CLMP: variants seen among roughly 807,000 people sequenced by gnomAD.
CLMP encodes CXADR-like membrane protein.
A neutral mutation model predicts 45.2 loss-of-function variants in CLMP; 27 were observed. The observed-to-expected ratio is 0.60, with a 90% CI of 0.44 to 0.82. The LOEUF (loss-of-function observed/expected upper bound fraction) is 0.82, where lower values mean the gene tolerates loss of function less well. CLMP is among the 40% of genes least tolerant of loss of function. The probability of loss-of-function intolerance (pLI) is 0.00; values close to 1 mark genes in which losing one functional copy is unlikely to be tolerated. For synonymous variants in CLMP, 167 were observed against 171.4 expected (o/e 0.97, Z 0.20); for missense variants, 403 against 448.4 (o/e 0.90, Z 0.91).
chr11:123,077,971 G>C (rs536801383), intron 5 of CLMP, among the ~76,000 whole-genome samples: 2 of 152,180 alleles, frequency 1.3e-5, no homozygotes, highest in African/African-American at 4.8e-5. Flanking sequence ...GCTGGGTGTG[G>C]TGTGCAGGCC....
At chr11:123,086,909 T>G (rs1682103090) in intron 2 of CLMP, among the ~76,000 whole-genome samples, 1 of 151,762 alleles carries the variant, frequency 6.6e-6, no homozygotes. Context: ...AAGAAAAAAA[T>G]GTAACTGGGT....
chr11:123,173,468 C>T (rs552049963), intron 1 of CLMP, among the ~76,000 whole-genome samples: 138 of 152,292 alleles, frequency 9.1e-4, no homozygotes, highest in Middle Eastern at 3.4e-3. Context: ...TGGAAGTCTG[C>T]GTGTAATAAC....
At chr11:123,183,817 C>G (rs1046394608) in intron 1 of CLMP, among the ~76,000 whole-genome samples, 1 of 152,158 alleles carries the variant, frequency 6.6e-6, no homozygotes, top group Non-Finnish European at 1.5e-5. Context: ...AAGCCATAAG[C>G]CAGCACAGAG....
At chr11:123,129,448 T>TAATAAA in intron 1 of CLMP, among the ~76,000 whole-genome samples, 1 of 140,330 alleles carries the variant, frequency 7.1e-6, no homozygotes, top group Admixed American at 7.5e-5. Flanking sequence ...ATATGATATA[T>TAATAAA]TATATAAAAT....
chr11:123,083,628 C>G, intron 4 of CLMP, 52 bp downstream of exon 4: 1 of 1,577,150 alleles, frequency 6.3e-7, no homozygotes, highest in Non-Finnish European at 8.7e-7. Flanking sequence ...TTAGAGCTCA[C>G]GGATAGAGGA....
chr11:123,147,716 T>C (rs1453195235), intron 1 of CLMP, among the ~76,000 whole-genome samples: 1 of 152,254 alleles, frequency 6.6e-6, no homozygotes, highest in African/African-American at 2.4e-5. Context: ...CTTCAGCATC[T>C]TGTGCAGTGC....
Position 123,136,193 on chromosome 11 carries a change from C to T in CLMP, c.29-38241G>A, listed in dbSNP as rs192564443. 2.7e-4 allele frequency: 171 copies of T among 639,114 alleles called. 1 individual carries two copies. In the East Asian group the frequency reaches 6.4e-3, roughly 24 times the overall value. 39.6% of individuals were successfully genotyped at this position (639,114 alleles called of 1,614,324 possible). ...TTTTCAAACTTTCTGGAACAAAAAT[C>T]CTGCAAACCAGCCAGGAACACCACC... On this transcript the variant is annotated intron_variant, in intron 1 of 6. Coordinates refer to ENST00000448775, the MANE Select transcript of CLMP (RefSeq NM_024769.5).
At chr11:123,167,283 A>C (rs754095927) in intron 1 of CLMP, among the ~76,000 whole-genome samples, 28 of 151,798 alleles carry the variant, frequency 1.8e-4, no homozygotes, top group East Asian at 9.7e-4. Context: ...GATGTCTTTT[A>C]TTTCTTTCTT....
chr11:123,092,487 T>A (rs1865943091), intron 2 of CLMP, among the ~76,000 whole-genome samples: 1 of 151,698 alleles, frequency 6.6e-6, no homozygotes, highest in African/African-American at 2.4e-5. Context: ...TAGTAGAGAC[T>A]GGGTGTCACC....
chr11:123,099,552 C>T (rs566431389), intron 1 of CLMP, among the ~76,000 whole-genome samples: 1 of 151,854 alleles, frequency 6.6e-6, no homozygotes, highest in Admixed American at 6.6e-5. Flanking sequence ...GAATAAAAGG[C>T]AATTTATTTT....
At chr11:123,193,367 T>TATTAG (rs1369264627) in intron 1 of CLMP, among the ~76,000 whole-genome samples, 7 of 152,232 alleles carry the variant, frequency 4.6e-5, no homozygotes, top group African/African-American at 1.7e-4. Flanking sequence ...TAACAAGGAC[T>TATTAG]ATTAGCTGTT....
chr11:123,124,494 T>G (rs1860862400), intron 1 of CLMP, among the ~76,000 whole-genome samples: 1 of 152,246 alleles, frequency 6.6e-6, no homozygotes, highest in Non-Finnish European at 1.5e-5. Context: ...TCATTCAGCA[T>G]GCAGGACTAT....
intron 2 of CLMP, among the ~76,000 whole-genome samples, chr11:123,088,570 T>C (rs1227551612): frequency 6.6e-6 from 1 of 152,170 alleles, no homozygotes; most frequent in African/African-American, 2.4e-5. Flanking sequence ...TTTGTGGGCT[T>C]TGACAGGTGG....
At chr11:123,086,901 GAAAA>G (rs1354247232) in intron 2 of CLMP, among the ~76,000 whole-genome samples, 3 of 151,914 alleles carry the variant, frequency 2.0e-5, no homozygotes, top group African/African-American at 7.3e-5. Flanking sequence ...TTTAAAAAAA[GAAAA>G]AAATGTAACT....
chr11:123,148,242 G>T (rs1280875062), intron 1 of CLMP, among the ~76,000 whole-genome samples: 2 of 152,198 alleles, frequency 1.3e-5, no homozygotes, highest in African/African-American at 4.8e-5. Flanking sequence ...GGCTTTCAAA[G>T]CTGGCATTTG....
In CLMP at chr11:123,156,262, C is replaced by A. The variant is rs180697367; in HGVS notation, c.28+38651G>T. Reference sequence around the variant, plus strand: ...TCACCTGACACTGAATTTGTCAGCACCTTGCTTATGAATTTTAGCTTCCAG... The same window carrying A: ...TCACCTGACACTGAATTTGTCAGCAACTTGCTTATGAATTTTAGCTTCCAG... On this transcript the variant is annotated intron_variant, in intron 1 of 6. Coordinates refer to ENST00000448775, the MANE Select transcript of CLMP (RefSeq NM_024769.5). 1.1e-4 allele frequency among the ~76,000 whole-genome samples: 17 copies of A among 152,276 alleles called. No homozygotes were observed. In the East Asian group the frequency reaches 3.3e-3, roughly 29 times the overall value.
At chr11:123,162,863 C>T (rs554192245) in intron 1 of CLMP, among the ~76,000 whole-genome samples, 1 of 151,442 alleles carries the variant, frequency 6.6e-6, no homozygotes, top group East Asian at 1.9e-4. Context: ...CAAGACGGCA[C>T]CACCGCACTC....
chr11:123,119,039 CTCTCT>C, intron 1 of CLMP, among the ~76,000 whole-genome samples: 1 of 50,060 alleles, frequency 2.0e-5, no homozygotes, highest in African/African-American at 1.1e-4. Context: ...CTCTCTCTCT[CTCTCT>C]CCCTCTCCCT....
intron 1 of CLMP, among the ~76,000 whole-genome samples, chr11:123,119,973 C>T (rs754196121): frequency 6.6e-6 from 1 of 152,208 alleles, no homozygotes; most frequent in African/African-American, 2.4e-5. Flanking sequence ...AGGTGTGAGC[C>T]ACCGCGCCTG....
Sources: gnomAD v4.1 joint callset for allele counts (sites outside exome capture counted in the v4.1 genomes callset) on GRCh38, gnomAD v4.1.1 for gene constraint, MANE v1.5 for transcripts, NCBI Gene and HGNC (gene_info 2026-07-23, HGNC 2026-07-21) for gene names.